The following ADGRG5 variants were observed in gnomAD, a reference collection of about 807,000 sequenced individuals.
ADGRG5 encodes the protein G protein-coupled receptor 114.
ADGRG5 carries 37 observed loss-of-function variants against 53.2 expected under a neutral mutation model. That is an observed-to-expected ratio of 0.70 (90% CI 0.53 to 0.91). The LOEUF (loss-of-function observed/expected upper bound fraction) is 0.91, where lower values mean the gene tolerates loss of function less well. ADGRG5 is among the 40% of genes least tolerant of loss of function. ADGRG5 has a pLI of 0.00. For synonymous variants in ADGRG5, 277 were observed against 290.4 expected (o/e 0.95, Z 0.47); for missense variants, 614 against 675.8 (o/e 0.91, Z 1.01).
At chr16:57,555,250 G>A (rs527811129) in intron 1 of ADGRG5, among the ~76,000 whole-genome samples, 6 of 152,292 alleles carry the variant, frequency 3.9e-5, no homozygotes, top group African/African-American at 1.4e-4. Flanking sequence ...ATCTTGAATT[G>A]TAGTTCCCAT....
In ADGRG5 at chr16:57,575,510, C is replaced by A. The variant is rs2033492626; in HGVS notation, c.1559C>A (p.Ala520Asp). Reference sequence around the variant, plus strand: ...GCAGAGGCCAAGGCACAGATAGAGGCCTTCAGCTCCTCCCAAACAACACAG... The same window carrying A: ...GCAGAGGCCAAGGCACAGATAGAGGACTTCAGCTCCTCCCAAACAACACAG... ...SEAEAKAQIE[A>D]FSSSQTTQ The change falls in exon 12 of 12, where the codon GCC (alanine) becomes GAC (aspartate). Residue 520 changes from alanine (A) to aspartate (D), a missense_variant. By Grantham distance (126) the Ala-to-Asp change is moderately radical. Coordinates refer to ENST00000349457, the MANE Select transcript of ADGRG5 (RefSeq NM_001304376.3). The A allele has an allele frequency of 3.7e-6, 6 of 1,614,030 alleles. 1 individual carries two copies. The Middle Eastern group carries it at 4.9e-4, about 133-fold the overall frequency.
rs143828233 is a variant in ADGRG5, at chr16:57,565,067, G to A, written c.463G>A (p.Val155Ile). ...CAACTCATCTCTGCTGAATAACTAC[G>A]TCCTGGGGGCCCAGCTGAGTCATGG... The part of the protein sequence containing the change: ...ENNSSLLNNY[V>I]LGAQLSHGHV... Residue 155 changes from valine to isoleucine, a missense_variant, in exon 6 of 12, where the codon GTC (valine) becomes ATC (isoleucine). Coordinates refer to ENST00000349457, the MANE Select transcript of ADGRG5 (RefSeq NM_001304376.3). The A allele has an allele frequency of 3.5e-5, 56 of 1,613,592 alleles. No individual in the cohort carries two copies. The highest frequency in any genetic ancestry group is 6.7e-5 in the African/African-American group (5 of 74,864).
chr16:57,570,213 A>G (rs1355087951), intron 9 of ADGRG5, among the ~76,000 whole-genome samples: 2 of 152,064 alleles, frequency 1.3e-5, no homozygotes, highest in Admixed American at 6.5e-5. Context: ...CCACTGTTCC[A>G]TCGTAGAGCC....
chr16:57,574,805 TC>T lies in ADGRG5; in HGVS notation c.1209-6del. ...CCACTGTGAGCCTGACACGTCACCC[TC>T]CCCTGCAGATGCTGGGTGCGGAGCC... On this transcript the variant is annotated splice_polypyrimidine_tract_variant and intron_variant, in intron 10 of 11. Coordinates refer to ENST00000349457, the MANE Select transcript of ADGRG5 (RefSeq NM_001304376.3). This position sits in a 1 kb window ranked among gnomAD's most constrained non-coding sequence, Gnocchi z 4.4. The T allele has an allele frequency of 6.4e-7, 1 of 1,556,106 alleles. No individual in the cohort carries two copies.
chr16:57,536,183 A>T, the ADGRG5 span, among the ~76,000 whole-genome samples: 15 of 151,896 alleles, frequency 9.9e-5, no homozygotes, highest in African/African-American at 3.6e-4. Flanking sequence ...CCCCCGGGAG[A>T]GTCCCAAATT....
At chr16:57,543,514 C>T (rs1308485255) in intron 1 of ADGRG5, among the ~76,000 whole-genome samples, 1 of 152,108 alleles carries the variant, frequency 6.6e-6, no homozygotes, top group African/African-American at 2.4e-5. Context: ...GACTCCTGAT[C>T]TCAGGTGATC....
rs1473794889 is a variant in ADGRG5 at position 57,574,818 on chromosome 16, C to G, written c.1212C>G (p.Cys404Trp). Residue 404 changes from cysteine (C) to tryptophan (W), a missense_variant, in exon 11 of 12, where the codon TGC becomes TGG. Transcript: ENST00000349457. The surrounding 1 kb of genome is among the most constrained non-coding windows in gnomAD (Gnocchi z 4.4). The stretch of plus-strand genomic sequence containing the variant: ...GACACGTCACCCTCCCCTGCAGATG[C>G]TGGGTGCGGAGCCCCGTGGTGCACA... ...NGTGFQNMSI[C>W]WVRSPVVHSV... 1.3e-6 allele frequency: 2 copies of G among 1,569,394 alleles called. No homozygotes were observed. The highest frequency in any genetic ancestry group is 3.5e-5 in the Admixed American group (2 of 56,916).
At chr16:57,571,792 G>A (rs1644242786) in intron 10 of ADGRG5, among the ~76,000 whole-genome samples, 4 of 151,614 alleles carry the variant, frequency 2.6e-5, no homozygotes, top group Admixed American at 6.6e-5. Flanking sequence ...TTACAGGCGC[G>A]TGCCACCACG....
intron 9 of ADGRG5, 45 bp downstream of exon 9, chr16:57,568,169 C>A: frequency 6.3e-7 from 1 of 1,598,854 alleles, no homozygotes; most frequent in Admixed American, 1.7e-5. Context: ...TCCAGGTGGG[C>A]AGGGTATTGA....
chr16:57,564,213 G>A (rs13339637), intron 5 of ADGRG5, among the ~76,000 whole-genome samples: 389 of 152,212 alleles, frequency 2.6e-3, no homozygotes, highest in African/African-American at 9.1e-3. Context: ...AGAAACCTAC[G>A]ATGTGCCTGT....
In ADGRG5 at chr16:57,575,068, T is replaced by C; in HGVS notation, c.1462T>C (p.Phe488Leu). 1 of 1,613,580 alleles carries C rather than the reference T, an allele frequency of 6.2e-7. No homozygotes were observed. The highest frequency in any genetic ancestry group is 8.5e-7 in the Non-Finnish European group (1 of 1,179,858). The change falls in exon 11 of 12, where the codon TTC becomes CTC. Residue 488 changes from phenylalanine (F) to leucine (L), a missense_variant. Transcript: ENST00000349457. ...GVFLLPQLFL[F>L]TILNSLYGFF... ...CTTCCTGCTGCCCCAGCTGTTCCTC[T>C]TCACCATCTTAAACTCGCTCTACGG... is the stretch of plus-strand genomic sequence containing the variant.
chr16:57,575,134 G>A, intron 11 of ADGRG5, 42 bp downstream of exon 11: 1 of 1,578,216 alleles, frequency 6.3e-7, no homozygotes, highest in Non-Finnish European at 8.6e-7. Flanking sequence ...CCTGGCAGGG[G>A]GTGTATGGCT....
chr16:57,549,498 C>A (rs1021994908), intron 1 of ADGRG5, among the ~76,000 whole-genome samples: 46 of 152,264 alleles, frequency 3.0e-4, no homozygotes, highest in African/African-American at 9.6e-4. Context: ...TTCTCTTGCC[C>A]TCCCTCCCCT....
chr16:57,529,092 G>T, the ADGRG5 span: 1 of 1,173,972 alleles, frequency 8.5e-7, no homozygotes, highest in Non-Finnish European at 1.1e-6. This position sits in a 1 kb window ranked among gnomAD's most constrained non-coding sequence, Gnocchi z 4.1. Context: ...CATGCGCTCC[G>T]GCGACGGGCT....
intron 9 of ADGRG5, among the ~76,000 whole-genome samples, chr16:57,568,943 G>T (rs1422067954): frequency 1.1e-5 from 1 of 88,066 alleles, no homozygotes; most frequent in Admixed American, 1.1e-4. Context: ...ATCATCACCT[G>T]CTCCATCTCC....
intron 3 of ADGRG5, among the ~76,000 whole-genome samples, chr16:57,562,791 A>G (rs939067154): frequency 3.9e-5 from 6 of 152,294 alleles, no homozygotes; most frequent in Admixed American, 2.6e-4. Flanking sequence ...TGAGCGGCCA[A>G]TGCTGAAGAC....
chr16:57,529,297 C>T, the ADGRG5 span: 1 of 1,118,620 alleles, frequency 8.9e-7, no homozygotes, highest in Non-Finnish European at 1.1e-6. The surrounding 1 kb of genome is among the most constrained non-coding windows in gnomAD (Gnocchi z 4.1). Flanking sequence ...TCCCTCTGGG[C>T]CACCGGGCGG....
At chr16:57,529,392 C>T in the ADGRG5 span, 1 of 444,318 alleles carries the variant, frequency 2.3e-6, no homozygotes, top group African/African-American at 2.1e-5. This position sits in a 1 kb window ranked among gnomAD's most constrained non-coding sequence, Gnocchi z 4.1. Flanking sequence ...CGCGCCAAGG[C>T]CCTGGCGGAG....
At chr16:57,535,849 C>G in the ADGRG5 span, among the ~76,000 whole-genome samples, 1 of 152,178 alleles carries the variant, frequency 6.6e-6, no homozygotes, top group Non-Finnish European at 1.5e-5. Context: ...CCAAACCAAT[C>G]CAACCCCCAC....
Sources: gnomAD v4.1 joint callset for allele counts (sites outside exome capture counted in the v4.1 genomes callset) on GRCh38, gnomAD v4.1.1 for gene constraint, Gnocchi (gnomAD v3.1) non-coding constraint, MANE v1.5 for transcripts, NCBI Gene and HGNC (gene_info 2026-07-23, HGNC 2026-07-21) for gene names.